Variants in SLIT3 observed in about 807,000 individuals in gnomAD.
SLIT3 encodes the protein slit homolog 3 protein.
In SLIT3, 68 loss-of-function variants were observed where a neutral mutation model predicts 184.0. That is an observed-to-expected ratio of 0.37 (90% CI 0.30 to 0.45). The LOEUF is 0.45. Ranked by LOEUF, SLIT3 falls within the 20% of genes least tolerant of loss-of-function variation. The pLI, the probability that SLIT3 is intolerant of heterozygous loss-of-function variation, is 1.00. For missense variants in SLIT3, 1,707 were observed against 2,026.0 expected (o/e 0.84, Z 3.02); for synonymous variants, 831 against 828.6 (o/e 1.00, Z -0.05).
At chr5:168,667,953 CA>C (rs1761108370) in intron 35 of SLIT3, among the ~76,000 whole-genome samples, 1 of 152,106 alleles carries the variant, frequency 6.6e-6, no homozygotes, top group Non-Finnish European at 1.5e-5. Context: ...ACTGTCCTGA[CA>C]GTTTTTCTGT....
intron 3 of SLIT3, among the ~76,000 whole-genome samples, 161 bp from the exon 4 acceptor site, chr5:169,193,711 G>A (rs1156926308): frequency 6.6e-6 from 1 of 152,204 alleles, no homozygotes; most frequent in Non-Finnish European, 1.5e-5. Flanking sequence ...TATATTCCCT[G>A]TTGGCGGGGC....
chr5:168,684,142 T>G, intron 31 of SLIT3, 46 bp from the exon 32 acceptor site: 1 of 1,497,898 alleles, frequency 6.7e-7, no homozygotes, highest in Non-Finnish European at 9.0e-7. Context: ...TACCTGAGAC[T>G]GAACCTTCCC....
In SLIT3 at chr5:169,054,416, G is replaced by T. The variant is rs144272077; in HGVS notation, c.413+139063C>A. On this transcript the variant is annotated intron_variant, in intron 4 of 35. Coordinates refer to ENST00000519560, the MANE Select transcript of SLIT3 (RefSeq NM_003062.4). ...ACTTCTATCCTGCAGAACTGTGAGAGAATACATTTCCATTGCTTTTAACCA... is the reference window on the plus strand; with the variant it reads ...ACTTCTATCCTGCAGAACTGTGAGATAATACATTTCCATTGCTTTTAACCA... Among the ~76,000 whole-genome samples the T allele has an allele frequency of 7.3e-3, 1,108 of 152,160 alleles. 9 individuals carry two copies. Among genetic ancestry groups the T allele is most frequent in the Middle Eastern group, 0.017 (5 of 294 alleles).
intron 23 of SLIT3, among the ~76,000 whole-genome samples, chr5:168,716,569 G>GTA (rs760494582): frequency 6.6e-6 from 1 of 152,274 alleles, no homozygotes; most frequent in Non-Finnish European, 1.5e-5. Flanking sequence ...CCCACATAGG[G>GTA]TAGAAGCCTG....
intron 4 of SLIT3, among the ~76,000 whole-genome samples, chr5:169,181,757 TA>T (rs34032180): frequency 3.4e-5 from 5 of 146,016 alleles, no homozygotes; most frequent in Admixed American, 2.7e-4. Flanking sequence ...AAAAAAAAAT[TA>T]TTGAAGTTAG....
At chr5:168,967,870 T>C (rs542703988) in intron 4 of SLIT3, among the ~76,000 whole-genome samples, 2 of 152,284 alleles carry the variant, frequency 1.3e-5, no homozygotes, top group East Asian at 1.9e-4. Flanking sequence ...CTTCCCACCA[T>C]GCAAGGCTGG....
chr5:169,196,523 C>T (rs577899719), intron 3 of SLIT3, among the ~76,000 whole-genome samples: 1 of 152,212 alleles, frequency 6.6e-6, no homozygotes, highest in African/African-American at 2.4e-5. Context: ...AACGCCATGC[C>T]ACGTGCTACA....
At chr5:169,148,122 C>T (rs1452228779) in intron 4 of SLIT3, among the ~76,000 whole-genome samples, 1 of 152,176 alleles carries the variant, frequency 6.6e-6, no homozygotes. Flanking sequence ...TTCCATGCAG[C>T]TCCAAGTCCT....
intron 4 of SLIT3, among the ~76,000 whole-genome samples, chr5:168,893,109 T>C (rs1446638863): frequency 6.6e-6 from 1 of 152,242 alleles, no homozygotes; most frequent in African/African-American, 2.4e-5. Context: ...CTGAAAATCA[T>C]CTGATTGTAA....
At chr5:169,212,678 A>T (rs1305279843) in intron 3 of SLIT3, among the ~76,000 whole-genome samples, 3 of 152,130 alleles carry the variant, frequency 2.0e-5, no homozygotes, top group African/African-American at 7.2e-5. Context: ...GGTGTTTTAG[A>T]CATGAAGTCT....
rs891923 is a variant in SLIT3 at position 168,758,853 on chromosome 5, T to C, written c.1685+2009A>G. ...AGTCCACTCTCATTATAAGTAAGCA[T>C]CCCTAACCAGAATGTCCGAAACTTT... On this transcript the variant is annotated intron_variant, in intron 16 of 35. Transcript: ENST00000519560. 6.7e-3 allele frequency among the ~76,000 whole-genome samples: 1,026 copies of C among 152,254 alleles called. 8 individuals are homozygous for C. The highest frequency in any genetic ancestry group is 0.01 in the Non-Finnish European group (704 of 68,026).
intron 1 of SLIT3, among the ~76,000 whole-genome samples, chr5:169,255,843 A>C (rs1765944387): frequency 6.6e-6 from 1 of 152,186 alleles, no homozygotes; most frequent in Non-Finnish European, 1.5e-5. Flanking sequence ...AGATCGCGCC[A>C]CTGCACTCCA....
chr5:168,790,630 CCTTTT>C (rs1185054883), intron 10 of SLIT3: 1 of 152,160 alleles, frequency 6.6e-6, no homozygotes, highest in Non-Finnish European at 1.5e-5. Context: ...CTCTCCAGTT[CCTTTT>C]CTTTAACAAA....
intron 4 of SLIT3, among the ~76,000 whole-genome samples, chr5:169,160,760 G>A (rs1762451047): frequency 6.6e-6 from 1 of 152,118 alleles, no homozygotes; most frequent in South Asian, 2.1e-4. Context: ...ACATTTCATT[G>A]CTCAGCTCCA....
intron 14 of SLIT3, among the ~76,000 whole-genome samples, chr5:168,765,812 G>A (rs1178193424): frequency 1.3e-5 from 2 of 152,186 alleles, no homozygotes; most frequent in Non-Finnish European, 2.9e-5. Flanking sequence ...CCTTGGAAGA[G>A]CTGATGTCAT....
At chr5:168,706,094 A>G (rs190729913) in intron 26 of SLIT3, among the ~76,000 whole-genome samples, 191 of 152,336 alleles carry the variant, frequency 1.3e-3, no homozygotes, top group African/African-American at 4.4e-3. Context: ...ATAGACTGAT[A>G]ATCCTGGATC....
In SLIT3 at chr5:169,021,344, A is replaced by G. The variant is rs538328175; in HGVS notation, c.414-138008T>C. 2.6e-4 allele frequency among the ~76,000 whole-genome samples: 40 copies of G among 152,136 alleles called. No individual in the cohort carries two copies. The South Asian group carries it at 5.2e-3, about 20-fold the overall frequency. On this transcript the variant is annotated intron_variant, in intron 4 of 35. Transcript: ENST00000519560. ...AATTTTTATGTATTTATGGTGAGAT[A>G]GTATTCTTTTTTCTTTTTTTTTGAG...
At chr5:169,083,537 C>T (rs1205923847) in intron 4 of SLIT3, among the ~76,000 whole-genome samples, 1 of 152,208 alleles carries the variant, frequency 6.6e-6, no homozygotes, top group African/African-American at 2.4e-5. Flanking sequence ...TGCACATTGG[C>T]AAACAGGAAA....
At chr5:168,746,973 T>TGTGTGA (rs1335988632) in intron 20 of SLIT3, among the ~76,000 whole-genome samples, 5 of 131,156 alleles carry the variant, frequency 3.8e-5, no homozygotes, top group African/African-American at 1.5e-4. Context: ...TGGTGTGTGG[T>TGTGTGA]GTGTGGTGGT....
Sources: gnomAD v4.1 joint callset for allele counts (sites outside exome capture counted in the v4.1 genomes callset) on GRCh38, gnomAD v4.1.1 for gene constraint, MANE v1.5 for transcripts, NCBI Gene and HGNC (gene_info 2026-07-23, HGNC 2026-07-21) for gene names.